MESD: variants seen among roughly 807,000 people sequenced by gnomAD.
MESD encodes mesoderm development LRP chaperone, also known as LRP chaperone MESD.
Under a neutral mutation model 12.9 loss-of-function variants are expected in MESD, and 7 were observed. That is an observed-to-expected ratio of 0.54 (90% CI 0.31 to 1.02). The LOEUF (loss-of-function observed/expected upper bound fraction) is 1.02, where lower values mean the gene tolerates loss of function less well. Among genes scored for constraint, MESD ranks in the 50% least tolerant of loss-of-function variants. The probability of loss-of-function intolerance (pLI) is 0.05; values close to 1 mark genes in which losing one functional copy is unlikely to be tolerated. For missense variants in MESD, 342 were observed against 296.7 expected (o/e 1.15, Z -1.12); for synonymous variants, 126 against 115.6 (o/e 1.09, Z -0.58).
intron 3 of MESD, among the ~76,000 whole-genome samples, chr15:80,952,750 A>C (rs1342907564): frequency 6.6e-6 from 1 of 152,226 alleles, no homozygotes; most frequent in Non-Finnish European, 1.5e-5. Context: ...TATCTGGCAG[A>C]CTAGCTTTGG....
At position 80,978,154 on chromosome 15, in the gene MESD, A is replaced by G. The variant is rs1902469448; in HGVS notation, c.*1065T>C. ...AGCTACCACCGGCGGCAAGAGAGGGATACACTTTTCACTTTGTACCATTCT... is the reference window on the plus strand; with the variant it reads ...AGCTACCACCGGCGGCAAGAGAGGGGTACACTTTTCACTTTGTACCATTCT... On this transcript the variant is annotated 3_prime_UTR_variant, in exon 3 of 3. Transcript: ENST00000261758. 1 of 152,164 alleles carries G rather than the reference A, an allele frequency of 6.6e-6. No homozygotes were observed. The highest frequency in any genetic ancestry group is 1.5e-5 in the Non-Finnish European group (1 of 68,036). 9.4% of individuals were successfully genotyped at this position (152,164 alleles called of 1,614,324 possible).
downstream of MESD, among the ~76,000 whole-genome samples, chr15:80,971,024 T>C (rs1231203132): frequency 2.0e-5 from 3 of 152,124 alleles, no homozygotes; most frequent in African/African-American, 7.2e-5. Flanking sequence ...ATTAACAGGA[T>C]TCTTGCTAAA....
chr15:80,972,782 G>A (rs565751394), downstream of MESD, among the ~76,000 whole-genome samples: 3 of 152,334 alleles, frequency 2.0e-5, no homozygotes, highest in East Asian at 5.8e-4. Context: ...CAGCACTTTG[G>A]GAGGCCGAGG....
chr15:80,969,123 G>A (rs960223292), intron 3 of MESD, among the ~76,000 whole-genome samples: 2 of 152,186 alleles, frequency 1.3e-5, no homozygotes, highest in African/African-American at 2.4e-5. Context: ...CCTGGAGGTC[G>A]AGGCTGCAGT....
chr15:80,975,494 CAGA>C (rs1219039101), downstream of MESD, among the ~76,000 whole-genome samples: 1 of 151,988 alleles, frequency 6.6e-6, no homozygotes, highest in Non-Finnish European at 1.5e-5. Context: ...ACTGTGGGTG[CAGA>C]AGGTGGATAT....
intron 3 of MESD, among the ~76,000 whole-genome samples, chr15:80,964,430 AC>A (rs569357718): frequency 1.3e-3 from 196 of 152,322 alleles, no homozygotes; most frequent in African/African-American, 4.5e-3. Flanking sequence ...CCATCAAACT[AC>A]CACTGACTTT....
rs574658992 is a variant in MESD at position 80,954,744 on chromosome 15, G to A, written c.*289-2448C>T. On this transcript the variant is annotated intron_variant, in intron 3 of 4. Coordinates refer to the MESD transcript ENST00000561312. ...GCTTTGAAAGCTATAAAGCAAGCTC[G>A]TCTAACCCACCGCCAGTGGGCTACA... Among the ~76,000 whole-genome samples, 11 of 152,346 alleles carry A rather than the reference G, an allele frequency of 7.2e-5. No homozygotes were observed. The East Asian group carries it at 2.1e-3, about 29-fold the overall frequency.
intron 1 of MESD, among the ~76,000 whole-genome samples, chr15:80,986,907 C>T (rs1447933090): frequency 6.6e-6 from 1 of 152,224 alleles, no homozygotes; most frequent in Non-Finnish European, 1.5e-5. Flanking sequence ...AGGCACTCTA[C>T]ATATATTATC....
At chr15:80,985,565 T>C (rs1433940809) in intron 1 of MESD, among the ~76,000 whole-genome samples, 1 of 151,102 alleles carries the variant, frequency 6.6e-6, no homozygotes, top group Non-Finnish European at 1.5e-5. Flanking sequence ...GTTGGTTCAA[T>C]ACCCTAGAAT....
At chr15:80,980,820 CT>C (rs67729328) in intron 2 of MESD, among the ~76,000 whole-genome samples, 27,369 of 142,402 alleles carry the variant, frequency 0.19, 2,751 homozygotes, top group African/African-American at 0.29. Flanking sequence ...AATAAATGCC[CT>C]TTTTTTTTTT....
chr15:80,980,987 C>A (rs1049030396), intron 2 of MESD, among the ~76,000 whole-genome samples: 4 of 151,846 alleles, frequency 2.6e-5, no homozygotes, highest in African/African-American at 9.7e-5. Flanking sequence ...CCATGCCCCG[C>A]TAATTTTTCT....
chr15:80,985,353 C>T (rs1490236373), intron 1 of MESD, among the ~76,000 whole-genome samples: 2 of 152,168 alleles, frequency 1.3e-5, no homozygotes, highest in Non-Finnish European at 2.9e-5. Flanking sequence ...GCAAGCAGAA[C>T]TCAGTACTGT....
chr15:80,959,022 AG>A lies in MESD; in HGVS notation c.*289-6727del, dbSNP rs199529546. ...TGCTATTGGGTTTCCCCTCTCTCAAAGGGTGCATCCCCTAAGCCCGGTGAGA... is the reference window on the plus strand; with the variant it reads ...TGCTATTGGGTTTCCCCTCTCTCAAAGGTGCATCCCCTAAGCCCGGTGAGA... On this transcript the variant is annotated intron_variant, in intron 3 of 4. Transcript: ENST00000561312. Among the ~76,000 whole-genome samples, 848 of 152,326 alleles carry A rather than the reference AG, an allele frequency of 5.6e-3. 3 individuals are homozygous for A. Among genetic ancestry groups the A allele is most frequent in the African/African-American group, 0.019 (792 of 41,580 alleles).
intron 3 of MESD, among the ~76,000 whole-genome samples, chr15:80,952,518 G>A (rs1901866816): frequency 6.6e-6 from 1 of 152,110 alleles, no homozygotes; most frequent in African/African-American, 2.4e-5. Context: ...GGATAGAGTC[G>A]ATATAAAACA....
rs535071899 is a variant in MESD at position 80,977,807 on chromosome 15, C to G, written c.*1412G>C. 6.6e-6 allele frequency: 1 copy of G among 152,224 alleles called. No homozygotes were observed. Among genetic ancestry groups the G allele is most frequent in the Non-Finnish European group, 1.5e-5 (1 of 68,098 alleles). 9.4% of individuals were successfully genotyped at this position (152,224 alleles called of 1,614,324 possible). A position where few individuals can be genotyped will look rare whatever the true frequency, so the allele number is the denominator to read the frequency against. ...CTCCAGGTTCAAGATGCAGGAGGAA[C>G]AAGAAAAGCCTCTTTCAGGGCCTAG... is the stretch of plus-strand genomic sequence containing the variant. On this transcript the variant is annotated 3_prime_UTR_variant, in exon 3 of 3. Coordinates refer to ENST00000261758, the MANE Select transcript of MESD (RefSeq NM_015154.3).
rs1219442519 is a variant in MESD at position 80,978,901 on chromosome 15, A to G, written c.*318T>C. ...CAATCACAGCAGGTGCTTGGAGGGG[A>G]GTGGAATCTCAGTAGAGTTGATGAC... On this transcript the variant is annotated 3_prime_UTR_variant, in exon 3 of 3. Coordinates refer to ENST00000261758, the MANE Select transcript of MESD (RefSeq NM_015154.3). 15 of 362,614 alleles carry G rather than the reference A, an allele frequency of 4.1e-5. No individual in the cohort carries two copies. Among genetic ancestry groups the G allele is most frequent in the Non-Finnish European group, 7.0e-5 (14 of 199,496 alleles). The allele number at this position is 362,614 out of a possible 1,614,324, so 22.5% of individuals were successfully genotyped here.
downstream of MESD, chr15:80,946,993 A>AGAT: frequency 6.2e-7 from 1 of 1,613,894 alleles, no homozygotes; most frequent in Non-Finnish European, 8.5e-7. Context: ...ATCAAAGGGA[A>AGAT]GATACGTCTC....
intron 2 of MESD, among the ~76,000 whole-genome samples, chr15:80,980,589 T>C (rs1902547852): frequency 6.6e-6 from 1 of 151,728 alleles, no homozygotes; most frequent in Admixed American, 6.6e-5. Context: ...TCAGATGAAA[T>C]AAAAGCTAAA....
chr15:80,957,828 C>T (rs1346845411), intron 3 of MESD, among the ~76,000 whole-genome samples: 2 of 152,156 alleles, frequency 1.3e-5, no homozygotes, highest in African/African-American at 4.8e-5. Flanking sequence ...CTTACTCAGC[C>T]TTTTTGTTCT....
Sources: allele counts gnomAD v4.1 joint callset (sites outside exome capture counted in the v4.1 genomes callset), GRCh38; gene constraint gnomAD v4.1.1; transcripts MANE v1.5; gene names NCBI Gene and HGNC (gene_info 2026-07-23, HGNC 2026-07-21).